LARP1: variants seen among roughly 807,000 people sequenced by gnomAD.
The protein encoded by LARP1 is La ribonucleoprotein 1, translational regulator.
In LARP1, 36 loss-of-function variants were observed where a neutral mutation model predicts 122.7. The ratio of observed to expected loss-of-function variants is 0.29; its 90% confidence interval spans 0.22 to 0.39. The LOEUF is 0.39. Ranked by LOEUF, LARP1 falls within the 10% of genes least tolerant of loss-of-function variation. The pLI is 1.00. For missense variants in LARP1, 1,040 were observed against 1,403.6 expected (o/e 0.74, Z 4.14); for synonymous variants, 539 against 528.7 (o/e 1.02, Z -0.27).
chr5:154,803,460 G>C lies in LARP1; in HGVS notation c.2233+47G>C. On this transcript the variant is annotated intron_variant, in intron 12 of 18. Coordinates refer to ENST00000518297, the MANE Select transcript of LARP1 (RefSeq NM_033551.3). The surrounding 1 kb of genome is among the most constrained non-coding windows in gnomAD (Gnocchi z 4.4). ...TCCTGACATGGGTGAGAGGATCTAG[G>C]GCCCTTGGACTGGGGGCTATCCTGG... is the stretch of plus-strand genomic sequence containing the variant. The C allele has an allele frequency of 6.2e-7, 1 of 1,614,034 alleles. No individual in the cohort carries two copies. The highest frequency in any genetic ancestry group is 8.5e-7 in the Non-Finnish European group (1 of 1,179,988).
intron 1 of LARP1, among the ~76,000 whole-genome samples, chr5:154,701,113 TTGG>T (rs1754691689): frequency 6.6e-6 from 1 of 152,038 alleles, no homozygotes; most frequent in African/African-American, 2.4e-5. Context: ...TCGCTCTGAG[TTGG>T]TGTTTTCTTT....
At chr5:154,785,826 C>T (rs1234917629) in intron 1 of LARP1, among the ~76,000 whole-genome samples, 1 of 152,126 alleles carries the variant, frequency 6.6e-6, no homozygotes, top group Non-Finnish European at 1.5e-5. Flanking sequence ...TCCTCTCTGC[C>T]CTGCCATTCC....
At chr5:154,700,639 T>A (rs1435974563) in intron 1 of LARP1, among the ~76,000 whole-genome samples, 1 of 152,106 alleles carries the variant, frequency 6.6e-6, no homozygotes, top group Non-Finnish European at 1.5e-5. Flanking sequence ...GTTGTTGTTG[T>A]TTGAGACAGG....
In LARP1 at chr5:154,795,311, A is replaced by G. The variant is rs748267079; in HGVS notation, c.1369A>G (p.Ile457Val). The change falls in exon 8 of 19, where the codon ATC becomes GTC. Residue 457 changes from isoleucine (I) to valine (V), a missense_variant. This residue lies in a region of LARP1 where 362 missense variants were observed against 533.1 expected (regional missense o/e 0.68). Coordinates refer to ENST00000518297, the MANE Select transcript of LARP1 (RefSeq NM_033551.3). ...GGCCCTTACCACTGACATTTCACTC[A>G]TCTTTGCGGTATGTCTTCCTCCCTG... ...VQALTTDISLIFAALKDSKVV... is the reference protein window; with the variant it reads ...VQALTTDISLVFAALKDSKVV... 1 of 1,613,830 alleles carries G rather than the reference A, an allele frequency of 6.2e-7. No homozygotes were observed. The highest frequency in any genetic ancestry group is 8.5e-7 in the Non-Finnish European group (1 of 1,179,854).
At chr5:154,804,800 G>A (rs573878952) in intron 14 of LARP1, 3 of 456,164 alleles carry the variant, frequency 6.6e-6, no homozygotes, top group South Asian at 1.5e-5. Flanking sequence ...TGTGTTTCCT[G>A]TTTCCCAAAG....
intron 4 of LARP1, among the ~76,000 whole-genome samples, chr5:154,793,171 CCTT>C (rs938835830): frequency 7.5e-4 from 114 of 152,296 alleles, no homozygotes; most frequent in African/African-American, 2.6e-3. Flanking sequence ...CTTCCTATTT[CCTT>C]CTTCTTCTAG....
At chr5:154,750,901 T>C (rs1753450543), upstream of LARP1, among the ~76,000 whole-genome samples, 1 of 152,210 alleles carries the variant, frequency 6.6e-6, no homozygotes, top group African/African-American at 2.4e-5. Context: ...GTGTGAGCCA[T>C]AGCACCTGGC....
Position 154,790,355 on chromosome 5 carries a change from C to A in LARP1, c.467C>A (p.Ala156Glu). The change falls in exon 2 of 19, where the codon GCA becomes GAA. Residue 156 changes from alanine (A) to glutamate (E), a missense_variant. Ala to Glu is a moderately radical substitution (Grantham distance 107). Around this residue, in one of 8 missense-constraint regions of LARP1, gnomAD observed 257 missense variants for 273.3 expected, o/e 0.94. Coordinates refer to ENST00000518297, the MANE Select transcript of LARP1 (RefSeq NM_033551.3). Reference sequence around the variant, plus strand: ...TCTGCTCCAGCCAAGGTGGTGAGGGCAGCTGTTCCTAAACAGCGCAAAGGC... The same window carrying A: ...TCTGCTCCAGCCAAGGTGGTGAGGGAAGCTGTTCCTAAACAGCGCAAAGGC... The part of the protein sequence containing the change: ...EHSAPAKVVR[A>E]AVPKQRKGSK... 1 of 1,613,750 alleles carries A rather than the reference C, an allele frequency of 6.2e-7. No individual in the cohort carries two copies. Among genetic ancestry groups the A allele is most frequent in the Admixed American group, 1.7e-5 (1 of 59,978 alleles).
At chr5:154,716,694 C>A (rs186475137) in intron 1 of LARP1, among the ~76,000 whole-genome samples, 1 of 152,204 alleles carries the variant, frequency 6.6e-6, no homozygotes, top group South Asian at 2.1e-4. Context: ...AGTGATCCAC[C>A]TGCCTTGGCC....
At chr5:154,800,315 C>T (rs1185789090) in intron 10 of LARP1, among the ~76,000 whole-genome samples, 1 of 152,188 alleles carries the variant, frequency 6.6e-6, no homozygotes, top group African/African-American at 2.4e-5. Context: ...CATCTGGCAG[C>T]GATGTTTCTG....
At chr5:154,812,582 C>T (rs1194484865) in intron 18 of LARP1, among the ~76,000 whole-genome samples, 3 of 140,426 alleles carry the variant, frequency 2.1e-5, no homozygotes, top group Admixed American at 8.1e-5. Flanking sequence ...TGCAGTGGCA[C>T]GATCTTGGCT....
At position 154,813,892 on chromosome 5, in the gene LARP1, C is replaced by A; in HGVS notation, c.3087C>A (p.Pro1029=). ...GACTCCTTCCTCTGTTGCAGCCCCC[C>A]ATGGGTGAGGAGGGCAACCACAAGC... The part of the protein sequence containing the change: ...RRLEDFRVDP[P]MGEEGNHKRH... Residue 1029 remains proline (P), a synonymous_variant, in exon 19 of 19, where the codon CCC becomes CCA. Transcript: ENST00000518297. 1.2e-6 allele frequency: 2 copies of A among 1,613,814 alleles called. No homozygotes were observed. The highest frequency in any genetic ancestry group is 1.7e-6 in the Non-Finnish European group (2 of 1,179,896).
chr5:154,783,259 A>G (rs1756602168), intron 1 of LARP1, among the ~76,000 whole-genome samples: 1 of 152,122 alleles, frequency 6.6e-6, no homozygotes, highest in African/African-American at 2.4e-5. Flanking sequence ...GTGGGTCTGG[A>G]AGGAATGTCT....
At chr5:154,741,956 C>A (rs1439351107) in intron 1 of LARP1, among the ~76,000 whole-genome samples, 1 of 152,178 alleles carries the variant, frequency 6.6e-6, no homozygotes, top group African/African-American at 2.4e-5. Flanking sequence ...TATCTGGAGT[C>A]TCTGTGTATT....
At chr5:154,725,871 C>A (rs182466291) in intron 1 of LARP1, among the ~76,000 whole-genome samples, 1 of 151,850 alleles carries the variant, frequency 6.6e-6, no homozygotes. Flanking sequence ...GTTGAAGTCT[C>A]GCTCTGTCAC....
rs987209867 is a variant in LARP1, at chr5:154,815,749, T to C, written c.*1653T>C. The C allele has an allele frequency of 3.9e-5, 6 of 152,342 alleles. No homozygotes were observed. Among genetic ancestry groups the C allele is most frequent in the African/African-American group, 1.4e-4 (6 of 41,458 alleles). The allele number at this position is 152,342 out of a possible 1,614,324, so 9.4% of individuals were successfully genotyped here. ...GACATAGAGTATACCTGATTCTCTT[T>C]CTTCAGCCACTGACTGCTTGGGTTG... On this transcript the variant is annotated 3_prime_UTR_variant, in exon 19 of 19. Transcript: ENST00000518297.
chr5:154,695,721 A>G (rs1428544731), intron 1 of LARP1, among the ~76,000 whole-genome samples: 1 of 151,972 alleles, frequency 6.6e-6, no homozygotes, highest in Non-Finnish European at 1.5e-5. Context: ...AAAAATACAA[A>G]AAGTAGCCAG....
At chr5:154,778,247 G>A (rs1039289306) in intron 1 of LARP1, among the ~76,000 whole-genome samples, 6 of 141,334 alleles carry the variant, frequency 4.2e-5, no homozygotes, top group African/African-American at 1.3e-4. Context: ...GCCACAGAGC[G>A]AGACTCCGTC....
At chr5:154,771,692 C>G (rs546137155) in intron 1 of LARP1, among the ~76,000 whole-genome samples, 1 of 152,334 alleles carries the variant, frequency 6.6e-6, no homozygotes, top group East Asian at 1.9e-4. Flanking sequence ...AGGGTGGGCT[C>G]TGGGGACATA....
Sources: gnomAD v4.1 joint callset for allele counts (sites outside exome capture counted in the v4.1 genomes callset) on GRCh38, gnomAD v4.1.1 for gene constraint, gnomAD v4.1.1 regional missense constraint, Gnocchi (gnomAD v3.1) non-coding constraint, MANE v1.5 for transcripts, NCBI Gene and HGNC (gene_info 2026-07-23, HGNC 2026-07-21) for gene names.